GUCY1A2: variants seen among roughly 807,000 people sequenced by gnomAD.
GUCY1A2 encodes guanylate cyclase soluble subunit alpha-2.
In GUCY1A2, 27 loss-of-function variants were observed where a neutral mutation model predicts 63.5. The observed-to-expected ratio is 0.43, with a 90% CI of 0.31 to 0.59. The LOEUF is 0.59. Among genes scored for constraint, GUCY1A2 ranks in the 20% least tolerant of loss-of-function variants. The probability of loss-of-function intolerance (pLI) is 0.11; values close to 1 mark genes in which losing one functional copy is unlikely to be tolerated. For missense variants in GUCY1A2, 768 were observed against 913.3 expected, an observed-to-expected ratio of 0.84 and a Z score of 2.05; for synonymous variants, 364 against 343.5, an observed-to-expected ratio of 1.06 and a Z score of -0.66.
At chr11:106,868,411 C>T (rs900210160) in intron 4 of GUCY1A2, among the ~76,000 whole-genome samples, 1 of 152,114 alleles carries the variant, frequency 6.6e-6, no homozygotes, top group Non-Finnish European at 1.5e-5. Context: ...AGCAAAGTCT[C>T]AGGATACAAA....
chr11:106,843,498 G>A (rs1442011392), intron 4 of GUCY1A2, among the ~76,000 whole-genome samples: 3 of 151,892 alleles, frequency 2.0e-5, no homozygotes, highest in Admixed American at 6.6e-5. Flanking sequence ...ATATTAGGGT[G>A]TAACAGCAAG....
In GUCY1A2 at chr11:107,003,889, A is replaced by C. The variant is rs143321114; in HGVS notation, c.303+13864T>G. Among the ~76,000 whole-genome samples, 30 of 152,318 alleles carry C rather than the reference A, an allele frequency of 2.0e-4. 1 individual carries two copies. In the East Asian group the frequency reaches 5.8e-3, roughly 29 times the overall value. ...ACAACCATGAAAGGGTAGAGAAGAA[A>C]GCAGAATTGGGCACAAGGAGAAGTT... On this transcript the variant is annotated intron_variant, in intron 1 of 7. Transcript: ENST00000526355.
chr11:106,795,838 ACTACATATAG>A (rs1367949659), intron 5 of GUCY1A2, among the ~76,000 whole-genome samples: 1 of 152,104 alleles, frequency 6.6e-6, no homozygotes, highest in Admixed American at 6.6e-5. Context: ...TTCCTAGCAA[ACTACATATAG>A]CTCCAACACT....
At chr11:106,717,339 G>A (rs1254251323) in intron 6 of GUCY1A2, among the ~76,000 whole-genome samples, 2 of 152,088 alleles carry the variant, frequency 1.3e-5, no homozygotes, top group Non-Finnish European at 2.9e-5. Flanking sequence ...GTAGACATTC[G>A]AAAAGATCTA....
At chr11:106,790,489 G>A (rs1864638925) in intron 5 of GUCY1A2, among the ~76,000 whole-genome samples, 1 of 152,132 alleles carries the variant, frequency 6.6e-6, no homozygotes, top group Non-Finnish European at 1.5e-5. Flanking sequence ...TACCTTACTG[G>A]GGCTGAGCTG....
intron 1 of GUCY1A2, among the ~76,000 whole-genome samples, chr11:106,988,091 T>C (rs1861424527): frequency 6.6e-6 from 1 of 152,180 alleles, no homozygotes; most frequent in East Asian, 1.9e-4. Flanking sequence ...GCAGAGTAAA[T>C]GGTATGCACC....
intron 7 of GUCY1A2, among the ~76,000 whole-genome samples, chr11:106,699,773 C>CTTTTTTCTT (rs890989349): frequency 6.6e-6 from 1 of 151,872 alleles, no homozygotes; most frequent in African/African-American, 2.4e-5. Flanking sequence ...AAAAATATGT[C>CTTTTTTCTT]TTTTTTCTTT....
chr11:106,882,470 T>C (rs963271479), intron 4 of GUCY1A2, among the ~76,000 whole-genome samples: 3 of 151,596 alleles, frequency 2.0e-5, no homozygotes, highest in Non-Finnish European at 4.4e-5. Context: ...GGGTGGAGGG[T>C]GAAAGAGAGA....
At chr11:106,824,786 T>C (rs200258002) in intron 4 of GUCY1A2, 1 of 1,563,552 alleles carries the variant, frequency 6.4e-7, no homozygotes. Flanking sequence ...GCTTGCTTTG[T>C]TATTTTTTTT....
chr11:106,839,365 G>A (rs1565306077), intron 4 of GUCY1A2, among the ~76,000 whole-genome samples: 1 of 151,984 alleles, frequency 6.6e-6, no homozygotes, highest in African/African-American at 2.4e-5. Flanking sequence ...AACAACAGGT[G>A]CTGGAGGGGA....
At chr11:106,708,392 T>C in intron 7 of GUCY1A2, 120 bp downstream of exon 7, 1 of 765,156 alleles carries the variant, frequency 1.3e-6, no homozygotes, top group East Asian at 2.9e-5. Flanking sequence ...TTTGGGCAGT[T>C]CTACTCATAA....
intron 4 of GUCY1A2, among the ~76,000 whole-genome samples, chr11:106,873,019 GT>G (rs1328174997): frequency 6.6e-6 from 1 of 152,114 alleles, no homozygotes; most frequent in Non-Finnish European, 1.5e-5. Flanking sequence ...GAAATGCAGT[GT>G]TTGGTTTTCT....
intron 4 of GUCY1A2, among the ~76,000 whole-genome samples, chr11:106,926,443 C>CA (rs1312188621): frequency 0.019 from 1,576 of 83,758 alleles, 15 homozygotes; most frequent in African/African-American, 0.051. Context: ...ATCTCTGTCT[C>CA]AAAAAAAAAA....
intron 1 of GUCY1A2, among the ~76,000 whole-genome samples, chr11:106,995,737 G>A (rs1325766684): frequency 6.6e-6 from 1 of 152,176 alleles, no homozygotes; most frequent in East Asian, 1.9e-4. Flanking sequence ...GAACTAAACT[G>A]ACCATGTCTA....
chr11:106,813,104 T>C (rs1591287497), intron 4 of GUCY1A2, among the ~76,000 whole-genome samples: 1 of 152,034 alleles, frequency 6.6e-6, no homozygotes, highest in Non-Finnish European at 1.5e-5. Context: ...TATTTGTATA[T>C]AAAAGAATTG....
At chr11:106,888,990 T>C (rs1043373005) in intron 4 of GUCY1A2, among the ~76,000 whole-genome samples, 16 of 152,102 alleles carry the variant, frequency 1.1e-4, no homozygotes, top group Non-Finnish European at 2.4e-4. Flanking sequence ...TAATCCGGTA[T>C]TCTCTATTTA....
intron 2 of GUCY1A2, among the ~76,000 whole-genome samples, chr11:106,982,002 A>G (rs1189818686): frequency 6.6e-6 from 1 of 152,188 alleles, no homozygotes; most frequent in Non-Finnish European, 1.5e-5. Context: ...GTACTATGCT[A>G]ACTACTTTAT....
intron 4 of GUCY1A2, among the ~76,000 whole-genome samples, chr11:106,877,811 AAAG>A (rs1565317877): frequency 1.3e-5 from 2 of 152,192 alleles, no homozygotes; most frequent in Admixed American, 1.3e-4. Context: ...CTTCACATCA[AAAG>A]AAACTATCAA....
At chr11:106,796,604 C>T (rs1035173550) in intron 5 of GUCY1A2, among the ~76,000 whole-genome samples, 1 of 152,166 alleles carries the variant, frequency 6.6e-6, no homozygotes. Context: ...ATATCGGCCC[C>T]CACTCTCTTC....
Sources: gnomAD v4.1 joint callset for allele counts (sites outside exome capture counted in the v4.1 genomes callset) on GRCh38, gnomAD v4.1.1 for gene constraint, MANE v1.5 for transcripts, NCBI Gene and HGNC (gene_info 2026-07-23, HGNC 2026-07-21) for gene names.